Variants in ADK observed in about 807,000 individuals in gnomAD.
ADK encodes the protein adenosine kinase, also known as N6,N6-dimethyladenosine kinase.
ADK carries 24 observed loss-of-function variants against 44.7 expected under a neutral mutation model. The ratio of observed to expected loss-of-function variants is 0.54; its 90% confidence interval spans 0.39 to 0.76. The LOEUF (loss-of-function observed/expected upper bound fraction) is 0.76, where lower values mean the gene tolerates loss of function less well. Ranked by LOEUF, ADK falls within the 30% of genes least tolerant of loss-of-function variation. ADK has a pLI of 0.00. For synonymous variants in ADK, 128 were observed against 142.6 expected (o/e 0.90, Z 0.73); for missense variants, 321 against 425.1 (o/e 0.76, Z 2.15).
At chr10:74,707,368 G>T (rs187905752) in intron 10 of ADK, among the ~76,000 whole-genome samples, 4 of 152,044 alleles carry the variant, frequency 2.6e-5, no homozygotes, top group African/African-American at 7.3e-5. Context: ...TTCATTGCTC[G>T]TATGTATAAT....
At position 74,265,110 on chromosome 10, in the gene ADK, T is replaced by C. The variant is rs547574711; in HGVS notation, c.194+40519T>C. Among the ~76,000 whole-genome samples the C allele has an allele frequency of 7.9e-5, 12 of 152,264 alleles. No individual in the cohort carries two copies. The East Asian group carries it at 2.1e-3, about 27-fold the overall frequency. ...TGTGAGCAACCACACCTGGCCAAAT[T>C]TTCTTAAAATGAAAATAACAGTGAT... On this transcript the variant is annotated intron_variant, in intron 3 of 10. Coordinates refer to ENST00000539909, the MANE Select transcript of ADK (RefSeq NM_006721.4).
intron 3 of ADK, among the ~76,000 whole-genome samples, chr10:74,230,737 A>T (rs920434415): frequency 6.6e-6 from 1 of 150,952 alleles, no homozygotes; most frequent in Non-Finnish European, 1.5e-5. Flanking sequence ...GCTGGAGTAC[A>T]GTGGCGCGAT....
intron 4 of ADK, among the ~76,000 whole-genome samples, chr10:74,385,969 A>G (rs1592135762): frequency 6.6e-6 from 1 of 152,324 alleles, no homozygotes; most frequent in Non-Finnish European, 1.5e-5. Flanking sequence ...GGCAGGGGCA[A>G]TGGAGCAGTT....
chr10:74,488,374 C>CTGTGT (rs1554868009), intron 6 of ADK, among the ~76,000 whole-genome samples: 1 of 140,768 alleles, frequency 7.1e-6, no homozygotes, highest in African/African-American at 2.6e-5. Context: ...GGAAAAAAGA[C>CTGTGT]GTGTGTGTGT....
intron 10 of ADK, among the ~76,000 whole-genome samples, chr10:74,677,382 A>G (rs1855430061): frequency 6.6e-6 from 1 of 152,240 alleles, no homozygotes; most frequent in Non-Finnish European, 1.5e-5. Flanking sequence ...ACTTCTGAGA[A>G]CCATGAAGAC....
At chr10:74,256,192 T>C (rs1000808555) in intron 3 of ADK, among the ~76,000 whole-genome samples, 3 of 152,242 alleles carry the variant, frequency 2.0e-5, no homozygotes, top group Non-Finnish European at 4.4e-5. Context: ...TGGAGCATTT[T>C]GTAAATTTTA....
chr10:74,410,378 G>C (rs188590512), intron 6 of ADK, among the ~76,000 whole-genome samples: 2 of 152,092 alleles, frequency 1.3e-5, no homozygotes. Flanking sequence ...TTTAAAAAAG[G>C]TAAGTATTAT....
intron 6 of ADK, among the ~76,000 whole-genome samples, chr10:74,514,894 G>A (rs1006798000): frequency 3.3e-5 from 5 of 151,594 alleles, no homozygotes; most frequent in African/African-American, 1.2e-4. Context: ...GCACAATCTC[G>A]GCTCACTGCA....
chr10:74,236,078 G>A (rs1013865204), intron 3 of ADK, among the ~76,000 whole-genome samples: 8 of 152,124 alleles, frequency 5.3e-5, no homozygotes, highest in Non-Finnish European at 8.8e-5. Context: ...GTTAAAAGCC[G>A]TAGCAATCAA....
intron 4 of ADK, among the ~76,000 whole-genome samples, chr10:74,315,268 T>C (rs1840576749): frequency 6.6e-6 from 1 of 152,188 alleles, no homozygotes; most frequent in Admixed American, 6.5e-5. Context: ...TAGATATCTA[T>C]ATACATAAAT....
chr10:74,345,453 G>T (rs939044973), intron 4 of ADK, among the ~76,000 whole-genome samples: 14 of 152,022 alleles, frequency 9.2e-5, no homozygotes, highest in Non-Finnish European at 1.9e-4. Flanking sequence ...GATTACAGGT[G>T]CATACCATCA....
At chr10:74,317,506 G>T (rs757301603) in intron 4 of ADK, among the ~76,000 whole-genome samples, 9 of 150,656 alleles carry the variant, frequency 6.0e-5, no homozygotes, top group Non-Finnish European at 1.2e-4. Context: ...TAGGAGAATC[G>T]CTTGAGTCCA....
At chr10:74,655,607 C>G (rs1457664987) in intron 9 of ADK, 7 of 452,624 alleles carry the variant, frequency 1.5e-5, no homozygotes, top group Non-Finnish European at 2.6e-5. Flanking sequence ...GAAAGAGGAG[C>G]TACAAGATGA....
In ADK at chr10:74,176,245, A is replaced by C. The variant is rs115665718; in HGVS notation, c.66-24519A>C. 5.1e-3 allele frequency among the ~76,000 whole-genome samples: 773 copies of C among 152,298 alleles called. 6 individuals carry two copies. Among genetic ancestry groups the C allele is most frequent in the African/African-American group, 0.018 (743 of 41,556 alleles). On this transcript the variant is annotated intron_variant, in intron 1 of 10. Transcript: ENST00000539909. ...ATCAGATCCAGCAATTGACTCTCAAAGGCTGCGGACTGGAATTAGTACGTC... is the reference window on the plus strand; with the variant it reads ...ATCAGATCCAGCAATTGACTCTCAACGGCTGCGGACTGGAATTAGTACGTC...
intron 6 of ADK, among the ~76,000 whole-genome samples, chr10:74,399,741 TCTTACACTTGAA>T (rs1184762275): frequency 6.6e-6 from 1 of 152,018 alleles, no homozygotes; most frequent in Non-Finnish European, 1.5e-5. Flanking sequence ...TTTCAAACCA[TCTTACACTTGAA>T]AGTCTGATTT....
At chr10:74,636,542 A>G (rs1276905153) in intron 9 of ADK, among the ~76,000 whole-genome samples, 1 of 152,178 alleles carries the variant, frequency 6.6e-6, no homozygotes, top group African/African-American at 2.4e-5. Flanking sequence ...AGGGAATAAA[A>G]TGTATTAATT....
intron 7 of ADK, among the ~76,000 whole-genome samples, chr10:74,526,930 T>C (rs1003252218): frequency 3.9e-5 from 6 of 152,218 alleles, no homozygotes; most frequent in Non-Finnish European, 7.3e-5. Flanking sequence ...TTGGTCTCAG[T>C]AGTCTTGAGA....
At chr10:74,201,642 G>A (rs966349369) in intron 2 of ADK, among the ~76,000 whole-genome samples, 1 of 140,440 alleles carries the variant, frequency 7.1e-6, no homozygotes, top group Non-Finnish European at 1.5e-5. Flanking sequence ...GTGTGTGTGT[G>A]TATATGTATG....
chr10:74,340,401 T>C (rs918384176), intron 4 of ADK, among the ~76,000 whole-genome samples: 3 of 152,164 alleles, frequency 2.0e-5, no homozygotes, highest in African/African-American at 7.2e-5. Flanking sequence ...CTGATGACTT[T>C]TAATTTTTAA....
Sources: gnomAD v4.1 joint callset for allele counts (sites outside exome capture counted in the v4.1 genomes callset) on GRCh38, gnomAD v4.1.1 for gene constraint, MANE v1.5 for transcripts, NCBI Gene and HGNC (gene_info 2026-07-23, HGNC 2026-07-21) for gene names.